Variants in PIK3C3 observed in about 807,000 individuals in gnomAD.
PIK3C3 encodes the protein PI3-kinase type 3.
Under a neutral mutation model 126.1 loss-of-function variants are expected in PIK3C3, and 95 were observed. The observed-to-expected ratio is 0.75, with a 90% CI of 0.64 to 0.89. PIK3C3 has a LOEUF of 0.89. Among genes scored for constraint, PIK3C3 ranks in the 40% least tolerant of loss-of-function variants. PIK3C3 has a pLI of 0.00. For synonymous variants in PIK3C3, 374 were observed against 360.0 expected (o/e 1.04, Z -0.44); for missense variants, 829 against 1,063.2 (o/e 0.78, Z 3.06).
At chr18:42,017,116 A>G (rs963901878) in intron 12 of PIK3C3, among the ~76,000 whole-genome samples, 2 of 151,984 alleles carry the variant, frequency 1.3e-5, no homozygotes, top group African/African-American at 2.4e-5. Context: ...ATTTTGAGTG[A>G]TATTTCTATC....
chr18:42,056,327 A>T (rs1985062806), intron 21 of PIK3C3, among the ~76,000 whole-genome samples: 1 of 151,938 alleles, frequency 6.6e-6, no homozygotes, highest in Non-Finnish European at 1.5e-5. Context: ...GTTTTCTGAC[A>T]AGAAGGATAG....
At position 42,084,585 on chromosome 18, in the gene PIK3C3, C is replaced by CAAAAAAAA. The variant is rs58697677; in HGVS notation, c.*3462_*3469dup. 3 of 96,710 alleles carry CAAAAAAAA rather than the reference C, an allele frequency of 3.1e-5. No individual in the cohort carries two copies. The highest frequency in any genetic ancestry group is 4.1e-5 in the Non-Finnish European group (2 of 48,558). The allele number at this position is 96,710 out of a possible 1,614,324, so 6.0% of individuals were successfully genotyped here. A position where few individuals can be genotyped will look rare whatever the true frequency, so the allele number is the denominator to read the frequency against. ...TAGTATAGAGTAGCTAAAAACAAAC[C>CAAAAAAAA]AAAAAAAAAAAAAAAAAAAAAGGAA... On this transcript the variant is annotated 3_prime_UTR_variant, in exon 25 of 25. Coordinates refer to ENST00000262039, the MANE Select transcript of PIK3C3 (RefSeq NM_002647.4).
chr18:42,055,939 A>C (rs1985044563), intron 21 of PIK3C3, among the ~76,000 whole-genome samples: 1 of 152,108 alleles, frequency 6.6e-6, no homozygotes, highest in Non-Finnish European at 1.5e-5. Flanking sequence ...AGGAAAATGT[A>C]ATTAGCACCT....
In PIK3C3 at chr18:42,086,063, G is replaced by T. The variant is rs1026045400; in HGVS notation, c.*4926G>T. The T allele has an allele frequency of 1.1e-4, 16 of 152,222 alleles. No individual in the cohort carries two copies. The highest frequency in any genetic ancestry group is 9.8e-4 in the Admixed American group (15 of 15,276). 9.4% of individuals were successfully genotyped at this position (152,222 alleles called of 1,614,324 possible). ...TTGAGCCTGGGAGGCAGAGGTTGCA[G>T]TGAGCTGAGATTGCACCATTGCACT... is the stretch of plus-strand genomic sequence containing the variant. On this transcript the variant is annotated 3_prime_UTR_variant, in exon 25 of 25. Coordinates refer to ENST00000262039, the MANE Select transcript of PIK3C3 (RefSeq NM_002647.4).
At chr18:41,994,900 T>C (rs1429384499) in intron 7 of PIK3C3, among the ~76,000 whole-genome samples, 1 of 151,860 alleles carries the variant, frequency 6.6e-6, no homozygotes, top group African/African-American at 2.4e-5. Flanking sequence ...ATTAGCCAGG[T>C]AGTGGCACGT....
intron 24 of PIK3C3, among the ~76,000 whole-genome samples, chr18:42,074,389 G>T (rs1985895726): frequency 6.6e-6 from 1 of 151,776 alleles, no homozygotes. Context: ...GTATAATTTT[G>T]GGTCTTGATT....
At chr18:41,974,298 T>C (rs1980810879) in intron 4 of PIK3C3, among the ~76,000 whole-genome samples, 1 of 152,208 alleles carries the variant, frequency 6.6e-6, no homozygotes, top group Non-Finnish European at 1.5e-5. Context: ...TATGAATAGC[T>C]GAAGTTTGAA....
chr18:42,015,199 T>C (rs545963447), intron 11 of PIK3C3, among the ~76,000 whole-genome samples: 31 of 150,354 alleles, frequency 2.1e-4, no homozygotes, highest in Non-Finnish European at 4.1e-4. Context: ...TAAAGCTAAA[T>C]GGGCTTAAAC....
chr18:42,044,534 C>T (rs542063893), intron 20 of PIK3C3, among the ~76,000 whole-genome samples: 1 of 151,912 alleles, frequency 6.6e-6, no homozygotes, highest in Non-Finnish European at 1.5e-5. Context: ...CACCTCAGCC[C>T]GCCGAGTACC....
At chr18:41,955,808 A>T (rs890026641) in intron 1 of PIK3C3, among the ~76,000 whole-genome samples, 1 of 152,198 alleles carries the variant, frequency 6.6e-6, no homozygotes, top group African/African-American at 2.4e-5. Flanking sequence ...AGATGAGCAC[A>T]TGGTGTATTA....
intron 16 of PIK3C3, among the ~76,000 whole-genome samples, 198 bp downstream of exon 16, chr18:42,034,155 G>A (rs9947764): frequency 0.016 from 2,402 of 152,188 alleles, 27 homozygotes; most frequent in African/African-American, 0.028. Context: ...CGGTACATGG[G>A]CATTTTTATG....
intron 24 of PIK3C3, among the ~76,000 whole-genome samples, chr18:42,076,122 G>GTATATATATA (rs1491571088): frequency 0.013 from 325 of 25,614 alleles, 18 homozygotes; most frequent in African/African-American, 0.065. Context: ...ATATATATAT[G>GTATATATATA]CGCATATATA....
chr18:42,029,254 T>C (rs1983709947), intron 14 of PIK3C3, 71 bp from the exon 15 acceptor site: 13 of 854,928 alleles, frequency 1.5e-5, no homozygotes, highest in Non-Finnish European at 2.2e-5. Context: ...ATAAGGATTA[T>C]CCATGCTGTT....
At chr18:42,033,790 A>G in intron 15 of PIK3C3, 36 bp from the exon 16 acceptor site, 1 of 1,503,494 alleles carries the variant, frequency 6.7e-7, no homozygotes, top group South Asian at 1.3e-5. Flanking sequence ...CTACTCTTCT[A>G]TTTTAACCTC....
chr18:41,979,064 TAA>T (rs5824388), intron 4 of PIK3C3, among the ~76,000 whole-genome samples: 9 of 93,744 alleles, frequency 9.6e-5, no homozygotes, highest in African/African-American at 4.3e-5. Context: ...CCCCGTCTCT[TAA>T]AAAAAAAAAA....
intron 13 of PIK3C3, among the ~76,000 whole-genome samples, chr18:42,022,356 A>G (rs527697868): frequency 1.5e-4 from 23 of 152,172 alleles, no homozygotes; most frequent in African/African-American, 3.6e-4. Flanking sequence ...TCATTGTTCA[A>G]TTCCCACCTG....
At chr18:42,002,840 G>T (rs1327369723) in intron 9 of PIK3C3, among the ~76,000 whole-genome samples, 1 of 152,174 alleles carries the variant, frequency 6.6e-6, no homozygotes, top group Non-Finnish European at 1.5e-5. Flanking sequence ...TGAGAATCAG[G>T]CTGAAGACAA....
chr18:42,062,453 A>AT lies in PIK3C3; in HGVS notation c.2433-2281dup, dbSNP rs545431490. Among the ~76,000 whole-genome samples the AT allele has an allele frequency of 1.2e-3, 176 of 151,092 alleles. 3 individuals are homozygous for AT. The highest frequency in any genetic ancestry group is 0.011 in the South Asian group (51 of 4,786). On this transcript the variant is annotated intron_variant, in intron 22 of 24. Coordinates refer to ENST00000262039, the MANE Select transcript of PIK3C3 (RefSeq NM_002647.4). ...ACATTATGAGATTTTTTTTTTTGTGATTTTTTAAAGCTCATCAGCTATCAT... is the reference window on the plus strand; with the variant it reads ...ACATTATGAGATTTTTTTTTTTGTGATTTTTTTAAAGCTCATCAGCTATCAT...
intron 24 of PIK3C3, among the ~76,000 whole-genome samples, chr18:42,069,396 C>T (rs954260461): frequency 2.0e-5 from 3 of 152,190 alleles, no homozygotes; most frequent in Non-Finnish European, 2.9e-5. Flanking sequence ...ACATCTGTGA[C>T]AAACAAGGGA....
Sources: allele counts gnomAD v4.1 joint callset (sites outside exome capture counted in the v4.1 genomes callset), GRCh38; gene constraint gnomAD v4.1.1; transcripts MANE v1.5; gene names NCBI Gene and HGNC (gene_info 2026-07-23, HGNC 2026-07-21).